The following IPO11 variants were observed in gnomAD, a reference collection of about 807,000 sequenced individuals.
IPO11 encodes the protein importin-11.
IPO11 carries 66 observed loss-of-function variants against 143.2 expected under a neutral mutation model. The observed-to-expected ratio is 0.46, with a 90% confidence interval of 0.38 to 0.57. The LOEUF (loss-of-function observed/expected upper bound fraction) is 0.57, where lower values mean the gene tolerates loss of function less well. Among genes scored for constraint, IPO11 ranks in the 20% least tolerant of loss-of-function variants. The pLI is 0.00. For missense variants in IPO11, 1,026 were observed against 1,141.0 expected (o/e 0.90, Z 1.45); for synonymous variants, 385 against 377.8 (o/e 1.02, Z -0.22).
At chr5:62,532,991 G>A (rs777657053) in intron 22 of IPO11, among the ~76,000 whole-genome samples, 1 of 152,192 alleles carries the variant, frequency 6.6e-6, no homozygotes, top group East Asian at 1.9e-4. Context: ...TATAGGTGAT[G>A]TGGATTCTAT....
intron 29 of IPO11, among the ~76,000 whole-genome samples, chr5:62,623,656 T>C (rs1746454003): frequency 6.6e-6 from 1 of 151,290 alleles, no homozygotes; most frequent in African/African-American, 2.4e-5. Context: ...TTTTTTTTTT[T>C]TTTTTTTAAG....
intron 5 of IPO11, among the ~76,000 whole-genome samples, chr5:62,455,006 G>A (rs1302808545): frequency 1.3e-5 from 2 of 152,312 alleles, no homozygotes; most frequent in East Asian, 3.9e-4. Flanking sequence ...CCTGGAGATA[G>A]GGACTAAAGT....
chr5:62,513,395 T>C (rs1283204629), intron 19 of IPO11, among the ~76,000 whole-genome samples: 1 of 113,714 alleles, frequency 8.8e-6, no homozygotes, highest in Non-Finnish European at 1.9e-5. Flanking sequence ...ACGGGGCGGC[T>C]GGCCGGGAGG....
intron 27 of IPO11, among the ~76,000 whole-genome samples, chr5:62,586,760 A>ATATATAT (rs1233897638): frequency 1.7e-4 from 14 of 81,558 alleles, no homozygotes; most frequent in Non-Finnish European, 2.4e-4. Flanking sequence ...TCCAAAAAAA[A>ATATATAT]AAAAAAAAAT....
chr5:62,521,902 A>G (rs1030633351), intron 20 of IPO11, among the ~76,000 whole-genome samples: 1 of 151,824 alleles, frequency 6.6e-6, no homozygotes, highest in Admixed American at 6.6e-5. Flanking sequence ...TTTTTGTTTT[A>G]TGAATGCAGT....
intron 19 of IPO11, among the ~76,000 whole-genome samples, chr5:62,514,578 C>CAT (rs1741930144): frequency 1.5e-5 from 2 of 129,924 alleles, no homozygotes; most frequent in Admixed American, 1.6e-4. Flanking sequence ...AGAGGGAGAC[C>CAT]GTGGAAAGGA....
intron 20 of IPO11, among the ~76,000 whole-genome samples, chr5:62,522,297 T>TTTTTTGTTTTTG (rs971544349): frequency 1.3e-5 from 2 of 151,418 alleles, no homozygotes; most frequent in African/African-American, 4.9e-5. Flanking sequence ...GGTTTTTTTT[T>TTTTTTGTTTTTG]TTTTTGAGAC....
At chr5:62,621,879 TA>T (rs913808965) in intron 29 of IPO11, among the ~76,000 whole-genome samples, 16 of 147,460 alleles carry the variant, frequency 1.1e-4, no homozygotes, top group Admixed American at 1.4e-4. Flanking sequence ...AAACAATGAT[TA>T]AAAAAAAAAG....
intron 15 of IPO11, among the ~76,000 whole-genome samples, chr5:62,491,397 A>T (rs532848099): frequency 2.0e-5 from 3 of 152,252 alleles, no homozygotes; most frequent in Admixed American, 2.0e-4. Flanking sequence ...TGAGCCTTTG[A>T]TGGAGAGAAA....
chr5:62,581,541 C>T (rs1744566891), intron 27 of IPO11: 1 of 386,426 alleles, frequency 2.6e-6, no homozygotes, highest in Non-Finnish European at 4.7e-6. Flanking sequence ...AGCACTGTGC[C>T]AAATATTTCA....
At chr5:62,552,875 A>G (rs28581963) in intron 26 of IPO11, among the ~76,000 whole-genome samples, 91,768 of 151,998 alleles carry the variant, frequency 0.6, 28,083 homozygotes, top group South Asian at 0.68. Flanking sequence ...ACATAGTGCT[A>G]TTTCTATACA....
chr5:62,530,396 T>C (rs1470111207), intron 21 of IPO11, among the ~76,000 whole-genome samples: 1 of 152,168 alleles, frequency 6.6e-6, no homozygotes. Flanking sequence ...AATACTGTAT[T>C]TTTAATCTTG....
chr5:62,502,663 C>A (rs1050508912), intron 16 of IPO11, among the ~76,000 whole-genome samples: 3 of 152,134 alleles, frequency 2.0e-5, no homozygotes, highest in Non-Finnish European at 4.4e-5. Flanking sequence ...ATTCAGGTGT[C>A]TTGTTTCATT....
chr5:62,499,607 G>A (rs1441334027), intron 16 of IPO11, among the ~76,000 whole-genome samples: 2 of 118,350 alleles, frequency 1.7e-5, no homozygotes, highest in Admixed American at 1.2e-4. Context: ...ACGGAGTCTC[G>A]CTTTGTCGCC....
In IPO11 at chr5:62,596,268, C is replaced by CA. The variant is rs71608515; in HGVS notation, c.2678+4611dup. 6.5e-4 allele frequency among the ~76,000 whole-genome samples: 62 copies of CA among 95,658 alleles called. 1 individual carries two copies. Among genetic ancestry groups the CA allele is most frequent in the Middle Eastern group, 0.012 (2 of 164 alleles). The allele number at this position is 95,658 out of a possible 152,430, so 62.8% of individuals were successfully genotyped here. ...TGGGTGACAGACCAAGGCCCTGTCT[C>CA]AAAAAAAAAAAAAAAGAATTTAGCC... On this transcript the variant is annotated intron_variant, in intron 28 of 29. Coordinates refer to ENST00000325324, the MANE Select transcript of IPO11 (RefSeq NM_016338.5).
At chr5:62,544,358 G>C (rs1743076780) in intron 24 of IPO11, among the ~76,000 whole-genome samples, 1 of 152,028 alleles carries the variant, frequency 6.6e-6, no homozygotes, top group Non-Finnish European at 1.5e-5. Context: ...AAAACCACAT[G>C]ATTATCTCAA....
chr5:62,601,853 G>A lies in IPO11; in HGVS notation c.2763+5G>A. 3 of 1,544,324 alleles carry A rather than the reference G, an allele frequency of 1.9e-6. No homozygotes were observed. The highest frequency in any genetic ancestry group is 2.6e-6 in the Non-Finnish European group (3 of 1,138,294). ...CAAGATAAGAGGAAAAAGATGGTAA[G>A]TTATAAAAGTAGCTTGTAAAAATTA... On this transcript the variant is annotated splice_donor_5th_base_variant and intron_variant, in intron 29 of 29. Coordinates refer to ENST00000325324, the MANE Select transcript of IPO11 (RefSeq NM_016338.5).
intron 27 of IPO11, among the ~76,000 whole-genome samples, chr5:62,565,078 C>G (rs931749256): frequency 6.6e-6 from 1 of 152,118 alleles, no homozygotes; most frequent in African/African-American, 2.4e-5. Context: ...CCTTCTTTTT[C>G]TCATCTATTT....
At chr5:62,625,444 G>T (rs888161727) in intron 29 of IPO11, among the ~76,000 whole-genome samples, 2 of 152,202 alleles carry the variant, frequency 1.3e-5, no homozygotes, top group Non-Finnish European at 2.9e-5. Context: ...CTTTAGAAGT[G>T]AATCTGGCTA....
Sources: gnomAD v4.1 joint callset for allele counts (sites outside exome capture counted in the v4.1 genomes callset) on GRCh38, gnomAD v4.1.1 for gene constraint, MANE v1.5 for transcripts, NCBI Gene and HGNC (gene_info 2026-07-23, HGNC 2026-07-21) for gene names.